The following TAF4B variants were observed in gnomAD, a reference collection of about 807,000 sequenced individuals.
TAF4B encodes the protein TATA-box binding protein associated factor 4b.
In TAF4B, 38 loss-of-function variants were observed where a neutral mutation model predicts 86.4. The observed-to-expected ratio is 0.44, with a 90% CI of 0.34 to 0.58. The LOEUF (loss-of-function observed/expected upper bound fraction) is 0.58. TAF4B is among the 20% of genes least tolerant of loss of function. The probability of loss-of-function intolerance (pLI) is 0.02; values close to 1 mark genes in which losing one functional copy is unlikely to be tolerated. For synonymous variants in TAF4B, 388 were observed against 391.2 expected (o/e 0.99, Z 0.10); for missense variants, 988 against 1,027.6 (o/e 0.96, Z 0.53).
At chr18:26,358,845 T>C (rs1348268975) in intron 14 of TAF4B, among the ~76,000 whole-genome samples, 1 of 152,246 alleles carries the variant, frequency 6.6e-6, no homozygotes, top group Admixed American at 6.5e-5. Flanking sequence ...TATACTTCTC[T>C]ATAGAATTTA....
chr18:26,242,442 T>A (rs183931347), intron 1 of TAF4B, among the ~76,000 whole-genome samples: 3 of 152,340 alleles, frequency 2.0e-5, no homozygotes, highest in Non-Finnish European at 4.4e-5. Flanking sequence ...GCTTGGTAGA[T>A]CTTCCTCCAT....
chr18:26,279,368 A>G (rs1422426690), intron 5 of TAF4B, among the ~76,000 whole-genome samples: 2 of 152,184 alleles, frequency 1.3e-5, no homozygotes, highest in Admixed American at 6.5e-5. Context: ...TTGAAAATTC[A>G]TGCTTATGGA....
At chr18:26,284,669 G>A (rs2144590590) in intron 6 of TAF4B, among the ~76,000 whole-genome samples, 1 of 152,308 alleles carries the variant, frequency 6.6e-6, no homozygotes, top group East Asian at 1.9e-4. Flanking sequence ...CCTGAGGTGA[G>A]GAGATGGAGA....
chr18:26,231,576 C>A (rs554675253), intron 1 of TAF4B, among the ~76,000 whole-genome samples: 1 of 151,946 alleles, frequency 6.6e-6, no homozygotes, highest in South Asian at 2.1e-4. Context: ...GATCTTTGAA[C>A]TCCTGGCCTC....
chr18:26,268,327 G>A (rs111875171), intron 3 of TAF4B, among the ~76,000 whole-genome samples: 27 of 152,210 alleles, frequency 1.8e-4, no homozygotes, highest in African/African-American at 4.3e-4. Context: ...CATGGTTTTC[G>A]TCTTTGGGGA....
rs1487916268 is a variant in TAF4B at position 26,270,027 on chromosome 18, C to T, written c.597+2404C>T. On this transcript the variant is annotated intron_variant, in intron 3 of 14. Coordinates refer to ENST00000269142, the MANE Select transcript of TAF4B (RefSeq NM_005640.3). ...TAGACTATCAGTACTTCGAGTATAT[C>T]AGTTTTTCATTGGATATAGTTCTTA... Among the ~76,000 whole-genome samples, 6 of 152,144 alleles carry T rather than the reference C, an allele frequency of 3.9e-5. No individual in the cohort carries two copies. The East Asian group carries it at 1.2e-3, about 29-fold the overall frequency.
chr18:26,344,023 A>G (rs542003421), intron 13 of TAF4B, among the ~76,000 whole-genome samples: 40 of 152,344 alleles, frequency 2.6e-4, no homozygotes, highest in African/African-American at 9.4e-4. Flanking sequence ...AGCAAATTAT[A>G]AACACTCTTG....
intron 14 of TAF4B, among the ~76,000 whole-genome samples, chr18:26,365,002 C>CT (rs1236686001): frequency 0.13 from 14,721 of 109,260 alleles, 1,314 homozygotes; most frequent in African/African-American, 0.18. Context: ...TAATTCTATT[C>CT]TTTTTTTTTT....
intron 1 of TAF4B, among the ~76,000 whole-genome samples, chr18:26,263,020 A>G (rs1305570620): frequency 6.6e-6 from 1 of 152,144 alleles, no homozygotes; most frequent in African/African-American, 2.4e-5. Context: ...GCACCATCAT[A>G]GCTCACTACA....
At chr18:26,280,369 A>G (rs2144580274) in intron 5 of TAF4B, among the ~76,000 whole-genome samples, 1 of 152,336 alleles carries the variant, frequency 6.6e-6, no homozygotes, top group East Asian at 1.9e-4. Context: ...TCAACAGAGT[A>G]AACAGACCAC....
chr18:26,238,184 C>A (rs1294603132), intron 1 of TAF4B, among the ~76,000 whole-genome samples: 1 of 152,102 alleles, frequency 6.6e-6, no homozygotes, highest in African/African-American at 2.4e-5. Context: ...CTTATTGACA[C>A]ATTTTCGAAA....
At chr18:26,387,157 C>T (rs1978420566) in intron 14 of TAF4B, among the ~76,000 whole-genome samples, 1 of 152,124 alleles carries the variant, frequency 6.6e-6, no homozygotes, top group African/African-American at 2.4e-5. Flanking sequence ...CCTCTGCCTC[C>T]CAAGTTCAAG....
chr18:26,305,307 T>C (rs1310452440), intron 9 of TAF4B, among the ~76,000 whole-genome samples: 3 of 152,244 alleles, frequency 2.0e-5, no homozygotes, highest in Non-Finnish European at 4.4e-5. Flanking sequence ...TAGTAAAGAG[T>C]TCATCATCTT....
At chr18:26,365,454 A>G (rs972184377) in intron 14 of TAF4B, among the ~76,000 whole-genome samples, 2 of 152,222 alleles carry the variant, frequency 1.3e-5, no homozygotes, top group African/African-American at 4.8e-5. Flanking sequence ...CCAAAAAGAA[A>G]GTCTGGAAAG....
At chr18:26,278,236 G>T (rs995234329) in intron 5 of TAF4B, among the ~76,000 whole-genome samples, 2 of 152,142 alleles carry the variant, frequency 1.3e-5, no homozygotes, top group African/African-American at 4.8e-5. Context: ...CTGAAGAGTT[G>T]AGATTTAGTA....
chr18:26,255,021 A>T lies in TAF4B; in HGVS notation c.344-10149A>T, dbSNP rs56294462. The stretch of plus-strand genomic sequence containing the variant: ...CAAGTCCATGTTACTGAGTTATGAC[A>T]AACTTACTATCATGAGGGAAAACAA... On this transcript the variant is annotated intron_variant, in intron 1 of 14. Transcript: ENST00000269142. 6.0e-3 allele frequency among the ~76,000 whole-genome samples: 916 copies of T among 152,242 alleles called. 5 individuals carry two copies. Among genetic ancestry groups the T allele is most frequent in the African/African-American group, 0.021 (853 of 41,514 alleles).
At chr18:26,312,157 A>T (rs942151304) in intron 9 of TAF4B, among the ~76,000 whole-genome samples, 2 of 152,224 alleles carry the variant, frequency 1.3e-5, no homozygotes, top group Admixed American at 1.3e-4. Context: ...AGACCAGAAG[A>T]CTTGAAGACT....
chr18:26,263,752 G>A (rs1333579921), intron 1 of TAF4B, among the ~76,000 whole-genome samples: 1 of 151,828 alleles, frequency 6.6e-6, no homozygotes, highest in Non-Finnish European at 1.5e-5. Flanking sequence ...GTCTTGCTCT[G>A]TGTCCCAGGC....
At chr18:26,377,404 A>G (rs1598840583) in intron 14 of TAF4B, among the ~76,000 whole-genome samples, 1 of 152,258 alleles carries the variant, frequency 6.6e-6, no homozygotes, top group African/African-American at 2.4e-5. Flanking sequence ...CTAGGCATAT[A>G]TGTGGTCTTG....
Sources: allele counts gnomAD v4.1 joint callset (sites outside exome capture counted in the v4.1 genomes callset), GRCh38; gene constraint gnomAD v4.1.1; transcripts MANE v1.5; gene names NCBI Gene and HGNC (gene_info 2026-07-23, HGNC 2026-07-21).